NOL4L: variants seen among roughly 807,000 people sequenced by gnomAD.
NOL4L encodes the protein nucleolar protein 4 like, also known as nucleolar protein 4-like.
Under a neutral mutation model 64.5 loss-of-function variants are expected in NOL4L, and 7 were observed. The observed-to-expected ratio is 0.11, with a 90% CI of 0.06 to 0.20. NOL4L has a LOEUF of 0.20. Ranked by LOEUF, NOL4L falls within the 10% of genes least tolerant of loss-of-function variation. The pLI, the probability that NOL4L is intolerant of heterozygous loss-of-function variation, is 1.00. For missense variants in NOL4L, 680 were observed against 967.1 expected (o/e 0.70, Z 3.94); for synonymous variants, 413 against 401.0 (o/e 1.03, Z -0.36).
At chr20:32,482,580 C>A (rs577108234) in intron 4 of NOL4L, among the ~76,000 whole-genome samples, 10 of 152,102 alleles carry the variant, frequency 6.6e-5, no homozygotes, top group African/African-American at 2.2e-4. Context: ...TTAACCCCTG[C>A]GCGCGCCCTC....
At chr20:32,558,755 G>A (rs1481100973) in intron 1 of NOL4L, among the ~76,000 whole-genome samples, 1 of 152,168 alleles carries the variant, frequency 6.6e-6, no homozygotes, top group Non-Finnish European at 1.5e-5. Context: ...ATGGAGTCTG[G>A]TCTTTGTCCT....
At chr20:32,526,401 C>T (rs750085531) in intron 2 of NOL4L, among the ~76,000 whole-genome samples, 1 of 151,734 alleles carries the variant, frequency 6.6e-6, no homozygotes, top group Non-Finnish European at 1.5e-5. Flanking sequence ...CCTGGGCAGA[C>T]ACCTTGCCTC....
intron 5 of NOL4L, 137 bp downstream of exon 5, chr20:32,474,464 A>C: frequency 1.9e-6 from 2 of 1,044,580 alleles, no homozygotes; most frequent in Non-Finnish European, 2.6e-6. Flanking sequence ...GGGCAGTGCA[A>C]GCTTGGGCCT....
At chr20:32,530,142 A>T (rs898678109) in intron 1 of NOL4L, among the ~76,000 whole-genome samples, 1 of 152,212 alleles carries the variant, frequency 6.6e-6, no homozygotes, top group Admixed American at 6.5e-5. Context: ...CTTTTAAAAA[A>T]TTTTTTACTC....
At chr20:32,508,476 G>A (rs1469207007) in intron 4 of NOL4L, among the ~76,000 whole-genome samples, 2 of 152,216 alleles carry the variant, frequency 1.3e-5, no homozygotes, top group East Asian at 1.9e-4. Context: ...GGCCTTGAGA[G>A]CTCATTGCTT....
In NOL4L at chr20:32,464,594, G is replaced by A. The variant is rs2014383847; in HGVS notation, c.842-8199C>T. Among the ~76,000 whole-genome samples, 1 of 152,200 alleles carries A rather than the reference G, an allele frequency of 6.6e-6. No homozygotes were observed. Among genetic ancestry groups the A allele is most frequent in the Non-Finnish European group, 1.5e-5 (1 of 68,034 alleles). On this transcript the variant is annotated intron_variant, in intron 5 of 10. Coordinates refer to ENST00000621426, the MANE Select transcript of NOL4L (RefSeq NM_001256798.2). The surrounding 1 kb of genome is among the most constrained non-coding windows in gnomAD (Gnocchi z 5.6). ...CACAGCATGCGCCTCCTCTGCGTGT[G>A]CCCCTCAGTGCCCGGGCAGTGGGCG... is the stretch of plus-strand genomic sequence containing the variant.
chr20:32,528,528 G>T (rs535306691), intron 1 of NOL4L, among the ~76,000 whole-genome samples: 6 of 152,264 alleles, frequency 3.9e-5, no homozygotes, highest in Non-Finnish European at 7.3e-5. Flanking sequence ...TGGCAGGGCC[G>T]TGTGAACGGG....
chr20:32,509,069 C>T (rs984334675), intron 4 of NOL4L, among the ~76,000 whole-genome samples: 4 of 152,174 alleles, frequency 2.6e-5, no homozygotes, highest in Admixed American at 2.6e-4. Context: ...TCCCTGACCC[C>T]TGCCTCAGTC....
intron 4 of NOL4L, among the ~76,000 whole-genome samples, chr20:32,489,954 C>A (rs1418595984): frequency 1.3e-5 from 2 of 151,846 alleles, no homozygotes; most frequent in African/African-American, 4.8e-5. Context: ...CATGGTAAAA[C>A]CCTGTCTCTA....
At chr20:32,569,056 CT>C (rs150713242) in intron 1 of NOL4L, among the ~76,000 whole-genome samples, 4,078 of 152,240 alleles carry the variant, frequency 0.027, 179 homozygotes, top group African/African-American at 0.092. Context: ...TATTCCTGTC[CT>C]TATGGAGCCC....
At chr20:32,546,264 C>T (rs533135245) in intron 1 of NOL4L, among the ~76,000 whole-genome samples, 6 of 150,120 alleles carry the variant, frequency 4.0e-5, no homozygotes, top group African/African-American at 1.5e-4. Flanking sequence ...CTTTTTTTGG[C>T]GAGGGGATGG....
intron 2 of NOL4L, among the ~76,000 whole-genome samples, chr20:32,521,462 A>G (rs568591843): frequency 6.6e-6 from 1 of 152,324 alleles, no homozygotes; most frequent in Non-Finnish European, 1.5e-5. Flanking sequence ...CAGGCTCTGC[A>G]GGACCCCCAT....
At chr20:32,566,332 T>C (rs1979428979) in intron 1 of NOL4L, among the ~76,000 whole-genome samples, 1 of 152,120 alleles carries the variant, frequency 6.6e-6, no homozygotes, top group African/African-American at 2.4e-5. Flanking sequence ...AGTAGCCTCT[T>C]TTCCAAGTCC....
intron 4 of NOL4L, among the ~76,000 whole-genome samples, chr20:32,493,357 CAA>C (rs2016542814): frequency 6.6e-6 from 1 of 152,026 alleles, no homozygotes; most frequent in South Asian, 2.1e-4. Flanking sequence ...GATGATGGCC[CAA>C]GGCTCTGGGG....
At chr20:32,496,318 T>C (rs2016686119) in intron 4 of NOL4L, among the ~76,000 whole-genome samples, 1 of 152,228 alleles carries the variant, frequency 6.6e-6, no homozygotes, top group Admixed American at 6.5e-5. Flanking sequence ...AGAGGCCTTC[T>C]TGCCCTGAGG....
At chr20:32,529,592 G>A (rs992640663) in intron 1 of NOL4L, among the ~76,000 whole-genome samples, 53 of 152,212 alleles carry the variant, frequency 3.5e-4, no homozygotes, top group Admixed American at 3.5e-3. Context: ...GAACAGCAGT[G>A]TCTCTTCACC....
chr20:32,455,725 G>A (rs1192583657), intron 6 of NOL4L, among the ~76,000 whole-genome samples: 3 of 152,216 alleles, frequency 2.0e-5, no homozygotes, highest in Admixed American at 6.5e-5. Context: ...CTATAAAATG[G>A]GGACAGGCAC....
At position 32,447,240 on chromosome 20, in the gene NOL4L, T is replaced by G; in HGVS notation, c.*356A>C. The G allele has an allele frequency of 2.0e-6, 1 of 510,324 alleles. No homozygotes were observed. Among genetic ancestry groups the G allele is most frequent in the African/African-American group, 1.9e-5 (1 of 52,254 alleles). 31.6% of individuals were successfully genotyped at this position (510,324 alleles called of 1,614,324 possible). On this transcript the variant is annotated 3_prime_UTR_variant, in exon 11 of 11. Transcript: ENST00000621426. ...TATGCAATTCTGCTCACCTAAGACT[T>G]GAAAGGTAATTATCTGGGGGTGGGA...
intron 4 of NOL4L, chr20:32,486,914 A>G (rs2016112027): frequency 2.6e-6 from 1 of 380,162 alleles, no homozygotes; most frequent in East Asian, 7.5e-5. Context: ...CCACAACACA[A>G]CAGTCTTGGA....
Sources: allele counts gnomAD v4.1 joint callset (sites outside exome capture counted in the v4.1 genomes callset), GRCh38; gene constraint gnomAD v4.1.1; non-coding constraint Gnocchi (gnomAD v3.1); transcripts MANE v1.5; gene names NCBI Gene and HGNC (gene_info 2026-07-23, HGNC 2026-07-21).